DAPK2: variants seen among roughly 807,000 people sequenced by gnomAD.
DAPK2 encodes death-associated protein kinase 2.
Under a neutral mutation model 44.1 loss-of-function variants are expected in DAPK2, and 35 were observed. The ratio of observed to expected loss-of-function variants is 0.79; its 90% CI spans 0.61 to 1.05. DAPK2 has a LOEUF of 1.05. Among genes scored for constraint, DAPK2 ranks in the 50% least tolerant of loss-of-function variants. The probability of loss-of-function intolerance (pLI) is 0.00; values close to 1 mark genes in which losing one functional copy is unlikely to be tolerated. For synonymous variants in DAPK2, 174 were observed against 182.6 expected, an observed-to-expected ratio of 0.95 and a Z score of 0.38; for missense variants, 453 against 483.2, an observed-to-expected ratio of 0.94 and a Z score of 0.59.
intron 1 of DAPK2, among the ~76,000 whole-genome samples, chr15:63,996,487 G>A (rs185209924): frequency 9.7e-4 from 148 of 152,166 alleles, no homozygotes; most frequent in Admixed American, 3.0e-3. Context: ...TGAGACACCC[G>A]GGCCTTATTA....
At chr15:64,042,969 G>A (rs1190177013), upstream of DAPK2, among the ~76,000 whole-genome samples, 2 of 152,180 alleles carry the variant, frequency 1.3e-5, no homozygotes, top group African/African-American at 4.8e-5. This position sits in a 1 kb window ranked among gnomAD's most constrained non-coding sequence, Gnocchi z 4.7. Flanking sequence ...TAGGGTTCGA[G>A]TTGATCATAT....
exon 5 of DAPK2, chr15:63,930,407 C>A (rs1423377033): frequency 3.1e-6 from 5 of 1,614,072 alleles, no homozygotes; most frequent in Non-Finnish European, 2.5e-6. Context: ...TCCAACTTAC[C>A]ACATGTCAGC....
At chr15:63,936,662 T>C (rs867094941) in intron 4 of DAPK2, among the ~76,000 whole-genome samples, 1 of 151,510 alleles carries the variant, frequency 6.6e-6, no homozygotes, top group Non-Finnish European at 1.5e-5. Flanking sequence ...CAGAATTTCA[T>C]GAAAAAGAAA....
chr15:63,935,249 C>G (rs1184862228), intron 4 of DAPK2, among the ~76,000 whole-genome samples: 1 of 151,964 alleles, frequency 6.6e-6, no homozygotes, highest in Non-Finnish European at 1.5e-5. Context: ...CGCCACCATG[C>G]CTGGCTAATT....
At chr15:64,001,433 T>C (rs922110250) in intron 1 of DAPK2, among the ~76,000 whole-genome samples, 4 of 152,130 alleles carry the variant, frequency 2.6e-5, no homozygotes, top group African/African-American at 9.7e-5. Flanking sequence ...ATATACATTT[T>C]CTCTCTCCAA....
intron 4 of DAPK2, 69 bp from the exon 6 acceptor site, chr15:63,930,524 T>C: frequency 6.6e-7 from 1 of 1,509,728 alleles, no homozygotes; most frequent in Non-Finnish European, 9.2e-7. Context: ...TTAGGGAATT[T>C]TAGGGAATTT....
chr15:63,914,056 G>T (rs1428515347), intron 8 of DAPK2, among the ~76,000 whole-genome samples: 1 of 152,208 alleles, frequency 6.6e-6, no homozygotes, highest in Admixed American at 6.5e-5. Flanking sequence ...TCCCTGAGCT[G>T]TTGGAGAGAT....
chr15:63,963,308 C>A (rs189140841), intron 3 of DAPK2, among the ~76,000 whole-genome samples: 1 of 151,870 alleles, frequency 6.6e-6, no homozygotes, highest in African/African-American at 2.4e-5. Context: ...CCGAGTGAGG[C>A]GATGCCCCTC....
chr15:64,040,083 G>A, intron 1 of DAPK2, 87 bp downstream of exon 2: 1 of 1,052,134 alleles, frequency 9.5e-7, no homozygotes, highest in East Asian at 2.4e-5. Flanking sequence ...CTGTGGCCCT[G>A]CCTTCCAACA....
Position 63,939,253 on chromosome 15 carries a change from A to T in DAPK2, c.562T>A (p.Phe188Ile). 1.9e-6 allele frequency: 3 copies of T among 1,614,046 alleles called. No homozygotes were observed. The highest frequency in any genetic ancestry group is 8.5e-7 in the Non-Finnish European group (1 of 1,179,996). The change falls in exon 4 of 11, where the codon TTT becomes ATT. Residue 188 changes from phenylalanine to isoleucine, a missense_variant. Physicochemically the swap from Phe to Ile is conservative, Grantham distance 21. Coordinates refer to ENST00000261891, the Ensembl canonical transcript of DAPK2. The surrounding 1 kb of genome is among the most constrained non-coding windows in gnomAD (Gnocchi z 4.3). The stretch of plus-strand genomic sequence containing the variant: ...TCACCAACAAATTCCGGCGTCCCAA[A>T]AATATTCTTAAATTCAACTCCATCT...
chr15:63,936,160 C>T (rs1360573133), intron 4 of DAPK2, among the ~76,000 whole-genome samples: 1 of 152,138 alleles, frequency 6.6e-6, no homozygotes, highest in African/African-American at 2.4e-5. Flanking sequence ...CTAAATTTTG[C>T]TAGTCTCTAA....
intron 1 of DAPK2, among the ~76,000 whole-genome samples, chr15:64,011,720 A>G (rs2079395316): frequency 6.6e-6 from 1 of 152,242 alleles, no homozygotes; most frequent in Admixed American, 6.5e-5. Flanking sequence ...ATTTTTAATT[A>G]CATTTAAATT....
intron 8 of DAPK2, chr15:63,922,612 C>G (rs2146587933): frequency 2.8e-6 from 4 of 1,425,704 alleles, no homozygotes; most frequent in Non-Finnish European, 3.7e-6. Context: ...TGTGGAGGGG[C>G]TGGAAGGCTA....
intron 4 of DAPK2, among the ~76,000 whole-genome samples, chr15:63,930,811 C>A (rs974638081): frequency 2.6e-5 from 4 of 152,152 alleles, no homozygotes; most frequent in Admixed American, 6.5e-5. Flanking sequence ...ATAATCCCAG[C>A]ACTTTGGGAG....
At chr15:64,044,092 C>T (rs2141233636), upstream of DAPK2, among the ~76,000 whole-genome samples, 1 of 152,282 alleles carries the variant, frequency 6.6e-6, no homozygotes, top group South Asian at 2.1e-4. Flanking sequence ...AGCTAGGACC[C>T]AGATAAGGAG....
chr15:63,932,164 T>A (rs62023140), intron 4 of DAPK2, among the ~76,000 whole-genome samples: 4 of 107,546 alleles, frequency 3.7e-5, no homozygotes, highest in Admixed American at 9.8e-5. Flanking sequence ...GAGACCCTGT[T>A]TAAAAAAAAA....
chr15:63,912,901 C>A lies in DAPK2; in HGVS notation c.859-704G>T, dbSNP rs2078834853. On this transcript the variant is annotated intron_variant, in intron 8 of 10. Transcript: ENST00000261891. The surrounding 1 kb of genome is among the most constrained non-coding windows in gnomAD (Gnocchi z 4.4). ...TGAGCTTTCCTGCGTTCTCCATTCCCTTTTCAACACCCCCCTTTTGTAAAA... is the reference window on the plus strand; with the variant it reads ...TGAGCTTTCCTGCGTTCTCCATTCCATTTTCAACACCCCCCTTTTGTAAAA... 6.6e-6 allele frequency among the ~76,000 whole-genome samples: 1 copy of A among 152,168 alleles called. No homozygotes were observed. The highest frequency in any genetic ancestry group is 2.4e-5 in the African/African-American group (1 of 41,444).
At chr15:63,983,577 G>A (rs759933932) in exon 2 of DAPK2, 82 of 1,614,052 alleles carry the variant, frequency 5.1e-5, no homozygotes, top group East Asian at 6.7e-5. Flanking sequence ...CATAGACGTC[G>A]TGCAGCGTGA....
chr15:64,038,170 C>T (rs2141200003), intron 1 of DAPK2, among the ~76,000 whole-genome samples: 1 of 152,268 alleles, frequency 6.6e-6, no homozygotes, highest in Middle Eastern at 3.4e-3. Context: ...GTTTCTCTGC[C>T]CACCCAGACT....
Sources: allele counts gnomAD v4.1 joint callset (sites outside exome capture counted in the v4.1 genomes callset), GRCh38; gene constraint gnomAD v4.1.1; non-coding constraint Gnocchi (gnomAD v3.1); transcripts MANE v1.5; gene names NCBI Gene and HGNC (gene_info 2026-07-23, HGNC 2026-07-21).